The following SPATA18 variants were observed in gnomAD, a reference collection of about 807,000 sequenced individuals.
The protein encoded by SPATA18 is mitochondria-eating protein.
A neutral mutation model predicts 68.1 loss-of-function variants in SPATA18; 54 were observed. That is an observed-to-expected ratio of 0.79 (90% CI 0.64 to 0.99). SPATA18 has a LOEUF of 0.99. SPATA18 is among the 50% of genes least tolerant of loss of function. The probability of loss-of-function intolerance (pLI) is 0.00; values close to 1 mark genes in which losing one functional copy is unlikely to be tolerated. For missense variants in SPATA18, 724 were observed against 681.1 expected, an observed-to-expected ratio of 1.06 and a Z score of -0.70; for synonymous variants, 242 against 244.8, an observed-to-expected ratio of 0.99 and a Z score of 0.11.
rs764662108 is a variant in SPATA18 at position 52,060,797 on chromosome 4, G to A, written c.209G>A (p.Gly70Asp). ...AAAQEGGRNDGVETIKSRLLP... is the reference protein window; with the variant it reads ...AAAQEGGRNDDVETIKSRLLP... ...AACATTTTAGGAGGACGTAATGATG[G>A]TGTGGAAACAATCAAGTCACGCCTT... is the stretch of plus-strand genomic sequence containing the variant. The change falls in exon 3 of 13, where the codon GGT becomes GAT. Residue 70 changes from glycine (G) to aspartate (D), a missense_variant. Gly to Asp is a moderately conservative substitution (Grantham distance 94, BLOSUM62 -1). Transcript: ENST00000295213. 39 of 1,613,856 alleles carry A rather than the reference G, an allele frequency of 2.4e-5. No individual in the cohort carries two copies. The highest frequency in any genetic ancestry group is 3.3e-5 in the Non-Finnish European group (39 of 1,179,914).
chr4:52,088,897 G>T (rs1482066417), intron 11 of SPATA18, among the ~76,000 whole-genome samples: 1 of 152,154 alleles, frequency 6.6e-6, no homozygotes, highest in African/African-American at 2.4e-5. Flanking sequence ...ATTCAGCTGT[G>T]AATCCGTCTG....
Position 52,051,497 on chromosome 4 carries a change from G to A in SPATA18, c.-208G>A. On this transcript the variant is annotated 5_prime_UTR_variant, in exon 1 of 13. Coordinates refer to ENST00000295213, the MANE Select transcript of SPATA18 (RefSeq NM_145263.4). ...CCGCGCGGGACGGCGGATGAGGCGC[G>A]GCGGCTGCGGCCCAGGGCACCTCCC... is the stretch of plus-strand genomic sequence containing the variant. 1.8e-6 allele frequency: 1 copy of A among 553,760 alleles called. No individual in the cohort carries two copies. Among genetic ancestry groups the A allele is most frequent in the Non-Finnish European group, 3.2e-6 (1 of 311,434 alleles). The allele number at this position is 553,760 out of a possible 1,614,324, so 34.3% of individuals were successfully genotyped here.
intron 8 of SPATA18, among the ~76,000 whole-genome samples, 164 bp from the exon 9 acceptor site, chr4:52,079,580 G>C (rs1740737269): frequency 6.6e-6 from 1 of 152,098 alleles, no homozygotes; most frequent in Admixed American, 6.6e-5. Context: ...CTGTGAATGG[G>C]TGGCAACATC....
chr4:52,055,334 A>G (rs888442599), intron 1 of SPATA18, among the ~76,000 whole-genome samples: 3 of 152,118 alleles, frequency 2.0e-5, no homozygotes, highest in Admixed American at 6.5e-5. Context: ...TTCCAATCCA[A>G]CTTTGATACA....
intron 10 of SPATA18, 167 bp downstream of exon 10, chr4:52,082,677 G>T (rs1741051936): frequency 4.7e-6 from 7 of 1,484,740 alleles, no homozygotes; most frequent in Non-Finnish European, 6.3e-6. Flanking sequence ...TCTTTTCTTT[G>T]ATTCTTCCAT....
chr4:52,061,166 G>T (rs1738818643), intron 3 of SPATA18, among the ~76,000 whole-genome samples: 3 of 152,156 alleles, frequency 2.0e-5, no homozygotes, highest in Admixed American at 2.0e-4. Flanking sequence ...CATTTATATG[G>T]ATTTACCTAT....
chr4:52,080,091 G>T (rs1401345848), intron 9 of SPATA18, among the ~76,000 whole-genome samples, 172 bp downstream of exon 9: 2 of 152,192 alleles, frequency 1.3e-5, no homozygotes, highest in Non-Finnish European at 2.9e-5. Context: ...CCCACTCCTA[G>T]AGTTATTTTC....
At chr4:52,090,958 T>A (rs958427361) in intron 11 of SPATA18, among the ~76,000 whole-genome samples, 2 of 152,170 alleles carry the variant, frequency 1.3e-5, no homozygotes, top group Non-Finnish European at 2.9e-5. Flanking sequence ...TTTAACATAA[T>A]CCCATATTTC....
chr4:52,082,630 A>G, intron 10 of SPATA18, 120 bp downstream of exon 10: 1 of 1,591,102 alleles, frequency 6.3e-7, no homozygotes, highest in Non-Finnish European at 8.6e-7. Context: ...GATTTCATAC[A>G]AAGGAGAGGT....
chr4:52,058,777 A>C (rs2109412336), intron 1 of SPATA18, among the ~76,000 whole-genome samples: 1 of 152,286 alleles, frequency 6.6e-6, no homozygotes, highest in East Asian at 1.9e-4. Context: ...AGTAGTTAAG[A>C]GCATGGGCTC....
intron 11 of SPATA18, among the ~76,000 whole-genome samples, chr4:52,087,340 C>T (rs1267055510): frequency 6.6e-6 from 1 of 152,068 alleles, no homozygotes; most frequent in Non-Finnish European, 1.5e-5. Context: ...AAGTCTTTGC[C>T]CATGCCTATG....
At chr4:52,087,376 C>T (rs1741528574) in intron 11 of SPATA18, among the ~76,000 whole-genome samples, 1 of 152,148 alleles carries the variant, frequency 6.6e-6, no homozygotes, top group Non-Finnish European at 1.5e-5. Flanking sequence ...TCCAGGTTTT[C>T]TTCTAGGATT....
Position 52,071,875 on chromosome 4 carries a change from C to T in SPATA18, c.519-42C>T, listed in dbSNP as rs372124825. 27 of 1,595,490 alleles carry T rather than the reference C, an allele frequency of 1.7e-5. No individual in the cohort carries two copies. The African/African-American group carries it at 3.6e-4, about 21-fold the overall frequency. ...CCTTCCTTCCTTCACTCCCTCCCCT[C>T]TCCTCTCTTCCCTTCCTCTGCCCTC... is the stretch of plus-strand genomic sequence containing the variant. On this transcript the variant is annotated intron_variant, in intron 5 of 12. Coordinates refer to ENST00000295213, the MANE Select transcript of SPATA18 (RefSeq NM_145263.4).
chr4:52,055,457 T>C (rs1738257980), intron 1 of SPATA18, among the ~76,000 whole-genome samples: 1 of 152,244 alleles, frequency 6.6e-6, no homozygotes, highest in South Asian at 2.1e-4. Context: ...CAGGACTCAA[T>C]GCATTTTACT....
chr4:52,094,327 A>T (rs1742242683), intron 11 of SPATA18, among the ~76,000 whole-genome samples, 200 bp from the exon 12 acceptor site: 2 of 152,178 alleles, frequency 1.3e-5, no homozygotes, highest in African/African-American at 4.8e-5. Context: ...CCCAGCTTTT[A>T]ACTAATAATA....
intron 4 of SPATA18, among the ~76,000 whole-genome samples, chr4:52,069,332 G>T (rs180719000): frequency 1.3e-5 from 2 of 152,318 alleles, no homozygotes; most frequent in East Asian, 3.9e-4. Context: ...TGAAGTACTT[G>T]ATTGTCAAGG....
intron 11 of SPATA18, among the ~76,000 whole-genome samples, chr4:52,092,599 A>G (rs1742070182): frequency 6.6e-6 from 1 of 152,262 alleles, no homozygotes; most frequent in South Asian, 2.1e-4. Flanking sequence ...TGCAGAACTC[A>G]CTTGCCTTCT....
chr4:52,067,900 T>C (rs761034963), intron 4 of SPATA18, among the ~76,000 whole-genome samples: 1 of 152,242 alleles, frequency 6.6e-6, no homozygotes, highest in Non-Finnish European at 1.5e-5. Context: ...GCCTGGCTCA[T>C]AGTAAGTCCT....
intron 7 of SPATA18, chr4:52,078,404 T>C (rs1333929914): frequency 5.5e-6 from 1 of 180,852 alleles, no homozygotes; most frequent in Non-Finnish European, 1.2e-5. Context: ...TAATGTTCTC[T>C]TATTTCTTGA....
Sources: allele counts gnomAD v4.1 joint callset (sites outside exome capture counted in the v4.1 genomes callset), GRCh38; gene constraint gnomAD v4.1.1; transcripts MANE v1.5; gene names NCBI Gene and HGNC (gene_info 2026-07-23, HGNC 2026-07-21).